CNTNAP2: variants seen among roughly 807,000 people sequenced by gnomAD.
CNTNAP2 encodes contactin-associated protein-like 2.
CNTNAP2 carries 98 observed loss-of-function variants against 155.2 expected under a neutral mutation model. That is an observed-to-expected ratio of 0.63 (90% confidence interval 0.54 to 0.75). The LOEUF (loss-of-function observed/expected upper bound fraction) is 0.75, where lower values mean the gene tolerates loss of function less well. CNTNAP2 is among the 30% of genes least tolerant of loss of function. The pLI is 0.00. For missense variants in CNTNAP2, 1,727 were observed against 1,688.1 expected, an observed-to-expected ratio of 1.02 and a Z score of -0.40; for synonymous variants, 651 against 631.2, an observed-to-expected ratio of 1.03 and a Z score of -0.47.
At chr7:146,913,644 C>T (rs967975001) in intron 3 of CNTNAP2, among the ~76,000 whole-genome samples, 1 of 152,026 alleles carries the variant, frequency 6.6e-6, no homozygotes, top group African/African-American at 2.4e-5. Flanking sequence ...ATTCTAAGGT[C>T]TTAATCCCAT....
chr7:146,124,531 T>C (rs1380118122), intron 1 of CNTNAP2, among the ~76,000 whole-genome samples: 1 of 152,222 alleles, frequency 6.6e-6, no homozygotes, highest in Admixed American at 6.5e-5. Flanking sequence ...ATGGGTCTTA[T>C]TTTTAAAAAT....
At chr7:146,610,453 A>G (rs1799117994) in intron 1 of CNTNAP2, among the ~76,000 whole-genome samples, 1 of 152,146 alleles carries the variant, frequency 6.6e-6, no homozygotes, top group African/African-American at 2.4e-5. Context: ...GCAATGGGAT[A>G]ATGCTAAAAA....
rs145396569 is a variant in CNTNAP2 at position 146,406,200 on chromosome 7, T to C, written c.97+289227T>C. On this transcript the variant is annotated intron_variant, in intron 1 of 23. Transcript: ENST00000361727. The stretch of plus-strand genomic sequence containing the variant: ...CTGTCTTTCATCTCTATAGCCTATA[T>C]TTAAATCTCCTGACTCTTCATAAAT... Among the ~76,000 whole-genome samples, 314 of 152,350 alleles carry C rather than the reference T, an allele frequency of 2.1e-3. 1 individual carries two copies. Among genetic ancestry groups the C allele is most frequent in the African/African-American group, 7.4e-3 (308 of 41,582 alleles).
At chr7:146,967,790 A>G (rs1179628786) in intron 3 of CNTNAP2, among the ~76,000 whole-genome samples, 1 of 152,056 alleles carries the variant, frequency 6.6e-6, no homozygotes, top group African/African-American at 2.4e-5. Context: ...TCCTAATTGA[A>G]TACCCTTTAT....
intron 13 of CNTNAP2, among the ~76,000 whole-genome samples, chr7:147,720,873 G>T (rs191852577): frequency 1.6e-3 from 242 of 152,106 alleles, no homozygotes; most frequent in African/African-American, 5.1e-3. Context: ...AATACCCTGG[G>T]TATCAAGGTC....
Position 146,721,058 on chromosome 7 carries a change from T to C in CNTNAP2, c.98-53213T>C, listed in dbSNP as rs757008233. Among the ~76,000 whole-genome samples, 813 of 136,168 alleles carry C rather than the reference T, an allele frequency of 6.0e-3. 4 individuals are homozygous for C. Among genetic ancestry groups the C allele is most frequent in the Non-Finnish European group, 9.6e-3 (627 of 65,374 alleles). 89.3% of individuals were successfully genotyped at this position (136,168 alleles called of 152,430 possible). A position where few individuals can be genotyped will look rare whatever the true frequency, so the allele number is the denominator to read the frequency against. Reference sequence around the variant, plus strand: ...CTATATATTCTATATATATACTCTATATTCTATATATATACTCTATATATA... The same window carrying C: ...CTATATATTCTATATATATACTCTACATTCTATATATATACTCTATATATA... On this transcript the variant is annotated intron_variant, in intron 1 of 23. Coordinates refer to ENST00000361727, the MANE Select transcript of CNTNAP2 (RefSeq NM_014141.6).
intron 3 of CNTNAP2, among the ~76,000 whole-genome samples, chr7:147,000,671 T>C (rs536477439): frequency 6.0e-4 from 91 of 152,206 alleles, no homozygotes; most frequent in African/African-American, 2.2e-3. Flanking sequence ...TGGTCAGAAT[T>C]TTATGGATAC....
At chr7:146,673,461 T>G (rs1800343905) in intron 1 of CNTNAP2, among the ~76,000 whole-genome samples, 1 of 152,194 alleles carries the variant, frequency 6.6e-6, no homozygotes, top group East Asian at 1.9e-4. Context: ...CTTATGTGTT[T>G]TAAGTTTGGC....
At chr7:147,927,293 G>T (rs762671607) in intron 14 of CNTNAP2, among the ~76,000 whole-genome samples, 1 of 152,066 alleles carries the variant, frequency 6.6e-6, no homozygotes, top group African/African-American at 2.4e-5. Flanking sequence ...GATGACAGTC[G>T]CCACTTATGC....
At chr7:147,006,687 A>C (rs756487454) in intron 3 of CNTNAP2, among the ~76,000 whole-genome samples, 3 of 152,256 alleles carry the variant, frequency 2.0e-5, no homozygotes, top group Non-Finnish European at 4.4e-5. Context: ...ATAATAAGGA[A>C]AATTTATGAG....
At chr7:148,398,671 G>A (rs1409663128) in intron 22 of CNTNAP2, among the ~76,000 whole-genome samples, 1 of 152,152 alleles carries the variant, frequency 6.6e-6, no homozygotes, top group Admixed American at 6.5e-5. Context: ...CTCTTGAGTA[G>A]ACTTAAGGTG....
intron 1 of CNTNAP2, among the ~76,000 whole-genome samples, chr7:146,625,473 T>C (rs140110664): frequency 1.1e-4 from 16 of 152,102 alleles, no homozygotes; most frequent in African/African-American, 3.6e-4. Flanking sequence ...GTTTTAAAAA[T>C]AAAACACAGG....
At chr7:146,797,374 C>T (rs543343024) in intron 2 of CNTNAP2, among the ~76,000 whole-genome samples, 137 of 152,232 alleles carry the variant, frequency 9.0e-4, no homozygotes, top group African/African-American at 3.1e-3. Flanking sequence ...TGGCAGGAGA[C>T]ACCTTGATAT....
At chr7:146,437,592 A>T (rs1796261384) in intron 1 of CNTNAP2, among the ~76,000 whole-genome samples, 1 of 151,542 alleles carries the variant, frequency 6.6e-6, no homozygotes. Flanking sequence ...GCTTATTTAA[A>T]CCAGTATTTC....
chr7:147,351,430 A>G lies in CNTNAP2; in HGVS notation c.1499-44179A>G, dbSNP rs190710666. ...GGGGAGTAGGAAGGAATGAAAGGAG[A>G]GAAAAATAGCATCTGAGCAGTCTGA... On this transcript the variant is annotated intron_variant, in intron 9 of 23. Coordinates refer to ENST00000361727, the MANE Select transcript of CNTNAP2 (RefSeq NM_014141.6). Among the ~76,000 whole-genome samples the G allele has an allele frequency of 1.5e-3, 235 of 151,954 alleles. 1 individual carries two copies. The highest frequency in any genetic ancestry group is 2.3e-3 in the Non-Finnish European group (156 of 67,792).
chr7:147,511,983 C>T (rs535917166), intron 11 of CNTNAP2, among the ~76,000 whole-genome samples: 2 of 152,274 alleles, frequency 1.3e-5, no homozygotes, highest in East Asian at 1.9e-4. Context: ...TCAGTGGCCT[C>T]GTGATGCATG....
intron 8 of CNTNAP2, among the ~76,000 whole-genome samples, chr7:147,257,477 G>A (rs1804358047): frequency 6.6e-6 from 1 of 152,164 alleles, no homozygotes; most frequent in Admixed American, 6.5e-5. Flanking sequence ...GTGTGTGCAG[G>A]ACCTTCTGCC....
rs148681784 is a variant in CNTNAP2 at position 146,397,762 on chromosome 7, A to G, written c.97+280789A>G. ...ATATAAGTAGGAATAATCCATTGTT[A>G]TACAAGCCCCAAAAGAGAAAGAACA... is the stretch of plus-strand genomic sequence containing the variant. On this transcript the variant is annotated intron_variant, in intron 1 of 23. Transcript: ENST00000361727. 1.2e-4 allele frequency among the ~76,000 whole-genome samples: 19 copies of G among 152,308 alleles called. No homozygotes were observed. The East Asian group carries it at 3.7e-3, about 29-fold the overall frequency.
At chr7:147,698,011 C>T (rs1409595500) in intron 13 of CNTNAP2, among the ~76,000 whole-genome samples, 1 of 152,136 alleles carries the variant, frequency 6.6e-6, no homozygotes, top group African/African-American at 2.4e-5. Context: ...TCGTTAATTA[C>T]AGTTTAGGGT....
Sources: allele counts gnomAD v4.1 joint callset (sites outside exome capture counted in the v4.1 genomes callset), GRCh38; gene constraint gnomAD v4.1.1; transcripts MANE v1.5; gene names NCBI Gene and HGNC (gene_info 2026-07-23, HGNC 2026-07-21).